Variants in ZNF91 observed in about 807,000 individuals in gnomAD.
ZNF91 encodes the protein zinc finger protein 91 (HPF7, HTF10).
ZNF91 carries 7 observed loss-of-function variants against 12.6 expected under a neutral mutation model. That is an observed-to-expected ratio of 0.55 (90% CI 0.31 to 1.04). The LOEUF (loss-of-function observed/expected upper bound fraction) is 1.04. Ranked by LOEUF, ZNF91 falls within the 50% of genes least tolerant of loss-of-function variation. The pLI is 0.05. For synonymous variants in ZNF91, 453 were observed against 462.6 expected (o/e 0.98, Z 0.27); for missense variants, 1,217 against 1,385.4 (o/e 0.88, Z 1.93).
downstream of ZNF91, among the ~76,000 whole-genome samples, chr19:23,335,137 A>G (rs29984): frequency 0.52 from 78,514 of 152,022 alleles, 21,764 homozygotes; most frequent in East Asian, 0.85. Flanking sequence ...CTGCAGAGCA[A>G]CAGATATTGC....
chr19:23,338,170 T>C (rs1968050720), downstream of ZNF91: 1 of 151,908 alleles, frequency 6.6e-6, no homozygotes, highest in African/African-American at 2.4e-5. Context: ...CAACAAAATA[T>C]AAACAAAATA....
chr19:23,335,359 C>T (rs756876858), downstream of ZNF91, among the ~76,000 whole-genome samples: 39 of 152,198 alleles, frequency 2.6e-4, no homozygotes, highest in Non-Finnish European at 4.3e-4. Context: ...AGCTGTCAGA[C>T]AGGGATGTTT....
chr19:23,338,200 T>A (rs1968051410), downstream of ZNF91: 1 of 152,004 alleles, frequency 6.6e-6, no homozygotes, highest in Non-Finnish European at 1.5e-5. Flanking sequence ...ACAGACATCA[T>A]AATGGCACAT....
rs559844934 is a variant in ZNF91 at position 23,361,337 on chromosome 19, A to C, written c.1642T>G (p.Cys548Gly). ...TTAAAAGCTTTGCCACATTCTTTACATTTGTAGGGTTTCTCTCTACTATGA... is the reference window on the plus strand; with the variant it reads ...TTAAAAGCTTTGCCACATTCTTTACCTTTGTAGGGTTTCTCTCTACTATGA... ...IIHSREKPYK[C>G]KECGKAFKQF... Residue 548 changes from cysteine (C) to glycine (G), a missense_variant, in exon 4 of 4, where the codon TGT becomes GGT. This residue lies in a region of ZNF91 where 726 missense variants were observed against 895.5 expected (regional missense o/e 0.81). Transcript: ENST00000300619. 8.7e-6 allele frequency: 14 copies of C among 1,613,634 alleles called. No individual in the cohort carries two copies. In the Admixed American group the frequency reaches 2.3e-4, roughly 27 times the overall value.
chr19:23,331,881 G>C (rs932343212), intron 1 of ZNF91, among the ~76,000 whole-genome samples: 8 of 152,180 alleles, frequency 5.3e-5, no homozygotes, highest in Admixed American at 5.2e-4. Context: ...AGTTTTGTAA[G>C]GGCTCATTTG....
chr19:23,331,548 G>A (rs978685897), intron 1 of ZNF91, among the ~76,000 whole-genome samples: 5 of 152,212 alleles, frequency 3.3e-5, no homozygotes, highest in African/African-American at 1.2e-4. Flanking sequence ...GTGTGTGTAT[G>A]TTTGGTCTTC....
At chr19:23,323,825 CTTT>C (rs1355257634) in intron 1 of ZNF91, 3 of 150,678 alleles carry the variant, frequency 2.0e-5, no homozygotes, top group South Asian at 2.1e-4. Flanking sequence ...CCTACTTTTC[CTTT>C]TTCTTTTCTC....
intron 1 of ZNF91, among the ~76,000 whole-genome samples, chr19:23,330,954 A>G (rs185236362): frequency 6.6e-6 from 1 of 152,348 alleles, no homozygotes; most frequent in African/African-American, 2.4e-5. Context: ...CCAAAATTGG[A>G]ATCAATAGTA....
At chr19:23,315,437 G>A (rs1460349085), upstream of ZNF91, among the ~76,000 whole-genome samples, 2 of 152,134 alleles carry the variant, frequency 1.3e-5, no homozygotes. Flanking sequence ...TCTTTTGCTT[G>A]TGTCAGGCCC....
At chr19:23,382,535 G>A (rs1434336295) in intron 1 of ZNF91, among the ~76,000 whole-genome samples, 1 of 152,098 alleles carries the variant, frequency 6.6e-6, no homozygotes, top group African/African-American at 2.4e-5. Context: ...ATTCCTAATA[G>A]GTATCTACAG....
intron 1 of ZNF91, among the ~76,000 whole-genome samples, chr19:23,387,676 A>G (rs1049534073): frequency 6.6e-6 from 1 of 152,236 alleles, no homozygotes; most frequent in Non-Finnish European, 1.5e-5. Flanking sequence ...ACGATGGCTC[A>G]TGCCTGTAAT....
chr19:23,366,279 T>G (rs552161302), intron 3 of ZNF91, among the ~76,000 whole-genome samples: 126 of 151,998 alleles, frequency 8.3e-4, no homozygotes, highest in South Asian at 1.5e-3. Context: ...ACGGGGCGGC[T>G]GGCCTGGCGG....
intron 3 of ZNF91, among the ~76,000 whole-genome samples, chr19:23,342,545 T>C (rs1321673430): frequency 1.3e-5 from 2 of 152,198 alleles, no homozygotes; most frequent in African/African-American, 4.8e-5. Context: ...TTATCATTAA[T>C]CTAGAGTGAA....
At chr19:23,345,596 C>G (rs928150864) in intron 3 of ZNF91, among the ~76,000 whole-genome samples, 2 of 152,124 alleles carry the variant, frequency 1.3e-5, no homozygotes, top group African/African-American at 4.8e-5. Flanking sequence ...TTGCCTTCCT[C>G]TTCCCGACCC....
intron 3 of ZNF91, among the ~76,000 whole-genome samples, chr19:23,340,727 TATTAA>T (rs1242332280): frequency 2.0e-5 from 3 of 150,614 alleles, no homozygotes; most frequent in African/African-American, 7.3e-5. Flanking sequence ...AGAAAACTAT[TATTAA>T]ATTATTATTT....
At chr19:23,332,170 C>T (rs943592762) in intron 1 of ZNF91, among the ~76,000 whole-genome samples, 1 of 152,184 alleles carries the variant, frequency 6.6e-6, no homozygotes, top group African/African-American at 2.4e-5. Flanking sequence ...CTGTGCTAGA[C>T]CTATTATTAA....
At chr19:23,374,158 T>C (rs1969408646) in intron 2 of ZNF91, among the ~76,000 whole-genome samples, 1 of 151,894 alleles carries the variant, frequency 6.6e-6, no homozygotes, top group South Asian at 2.1e-4. Flanking sequence ...ATGTGGAAAG[T>C]TCAGGTCAAG....
chr19:23,316,971 GT>G (rs1469807238), intron 1 of ZNF91, among the ~76,000 whole-genome samples: 1 of 152,106 alleles, frequency 6.6e-6, no homozygotes, highest in Non-Finnish European at 1.5e-5. Context: ...AGCTGGAATT[GT>G]TTCCGTCAAC....
intron 1 of ZNF91, among the ~76,000 whole-genome samples, chr19:23,379,808 G>C (rs1969633716): frequency 6.6e-6 from 1 of 152,312 alleles, no homozygotes; most frequent in Non-Finnish European, 1.5e-5. Context: ...GACTTGACTA[G>C]TGCACTCCTG....
Sources: gnomAD v4.1 joint callset for allele counts (sites outside exome capture counted in the v4.1 genomes callset) on GRCh38, gnomAD v4.1.1 for gene constraint, gnomAD v4.1.1 regional missense constraint, MANE v1.5 for transcripts, NCBI Gene and HGNC (gene_info 2026-07-23, HGNC 2026-07-21) for gene names.